Variants in FAAH2 observed in about 807,000 individuals in gnomAD.
FAAH2 encodes fatty acid amide hydrolase 2.
FAAH2 carries 60 observed loss-of-function variants against 36.9 expected under a neutral mutation model. The ratio of observed to expected loss-of-function variants is 1.63; its 90% CI spans 1.32 to 2.02. The LOEUF (loss-of-function observed/expected upper bound fraction) is 2.02, where lower values mean the gene tolerates loss of function less well. Among genes scored for constraint, FAAH2 ranks in the 30% most tolerant of loss-of-function variants. The pLI, the probability that FAAH2 is intolerant of heterozygous loss-of-function variation, is 0.00. For synonymous variants in FAAH2, 214 were observed against 143.8 expected (o/e 1.49, Z -3.49); for missense variants, 689 against 397.5 (o/e 1.73, Z -6.23).
the FAAH2 span, among the ~76,000 whole-genome samples, chrX:57,252,793 C>A: frequency 6.2e-5 from 7 of 112,188 alleles, no homozygotes; most frequent in African/African-American, 2.3e-4. Context: ...TAGATAAAAC[C>A]ACGAAGATGG....
In FAAH2 at chrX:57,333,392, A is replaced by T. The variant is rs769011579; in HGVS notation, c.622+1585A>T. On this transcript the variant is annotated intron_variant, in intron 4 of 10. Transcript: ENST00000374900. ...AAACAATTATAAGGCATACTAAAAG[A>T]CAAAATCACAGTTTGAAAAGAGAAA... Among the ~76,000 whole-genome samples, 4 of 111,926 alleles carry T rather than the reference A, an allele frequency of 3.6e-5. No individual in the cohort carries two copies. In the East Asian group the frequency reaches 1.1e-3, roughly 31 times the overall value.
At chrX:57,178,890 C>G in the FAAH2 span, among the ~76,000 whole-genome samples, 1 of 111,687 alleles carries the variant, frequency 9.0e-6, no homozygotes, top group African/African-American at 3.3e-5. Context: ...AGACAGAAAC[C>G]ATAGATTTCA....
chrX:57,202,989 C>T, the FAAH2 span, among the ~76,000 whole-genome samples: 2 of 111,933 alleles, frequency 1.8e-5, no homozygotes, highest in Non-Finnish European at 3.8e-5. Context: ...GCTCTTTAGT[C>T]AGCTTGTGCT....
chrX:57,395,406 C>T (rs1159694787), intron 7 of FAAH2: 5 of 707,862 alleles, frequency 7.1e-6, no homozygotes, highest in Non-Finnish European at 1.1e-5. Context: ...TCTGCTGGTG[C>T]CATGGCCTTT....
chrX:57,468,775 C>T (rs1333820342), intron 10 of FAAH2, among the ~76,000 whole-genome samples: 1 of 111,252 alleles, frequency 9.0e-6, no homozygotes, highest in Admixed American at 9.6e-5. Flanking sequence ...TCGAGATGAG[C>T]AACTCCAAGA....
At chrX:57,412,981 C>T (rs138845875) in intron 7 of FAAH2, among the ~76,000 whole-genome samples, 2 of 112,112 alleles carry the variant, frequency 1.8e-5, no homozygotes, top group African/African-American at 6.5e-5. Context: ...CCAGTAATGA[C>T]GAGCTTTTTA....
chrX:57,252,609 T>A, the FAAH2 span, among the ~76,000 whole-genome samples: 1 of 111,895 alleles, frequency 8.9e-6, no homozygotes, highest in Admixed American at 9.4e-5. Flanking sequence ...CCTCTGCTGG[T>A]GATACCCAGG....
chrX:57,243,835 C>G, the FAAH2 span, among the ~76,000 whole-genome samples: 1 of 110,576 alleles, frequency 9.0e-6, no homozygotes, highest in Non-Finnish European at 1.9e-5. Context: ...TAGAAGGCCT[C>G]TTCTCCTCCA....
intron 10 of FAAH2, among the ~76,000 whole-genome samples, chrX:57,458,241 C>T (rs1178421361): frequency 5.4e-5 from 6 of 111,807 alleles, no homozygotes; most frequent in South Asian, 7.5e-4. Flanking sequence ...GTTTGCCTGC[C>T]GTATGCAGAA....
the FAAH2 span, among the ~76,000 whole-genome samples, chrX:57,204,032 G>C: frequency 9.0e-6 from 1 of 110,747 alleles, no homozygotes; most frequent in Non-Finnish European, 1.9e-5. Context: ...GTTTTGTTTA[G>C]ACCACCTGAA....
At chrX:57,409,884 CT>C (rs1459149192) in intron 7 of FAAH2, among the ~76,000 whole-genome samples, 1 of 109,702 alleles carries the variant, frequency 9.1e-6, no homozygotes, top group Non-Finnish European at 1.9e-5. Flanking sequence ...ATTATTTCTA[CT>C]CTGATATTTA....
At chrX:57,461,150 A>AC (rs1472102189) in intron 10 of FAAH2, among the ~76,000 whole-genome samples, 1 of 108,597 alleles carries the variant, frequency 9.2e-6, no homozygotes, top group Admixed American at 9.9e-5. Flanking sequence ...ATTAATAAAA[A>AC]AAAAAAAGTT....
At chrX:57,175,193 G>A in the FAAH2 span, among the ~76,000 whole-genome samples, 1 of 111,535 alleles carries the variant, frequency 9.0e-6, no homozygotes, top group Non-Finnish European at 1.9e-5. Context: ...CATTACTACT[G>A]CGTCACTGTC....
intron 7 of FAAH2, among the ~76,000 whole-genome samples, chrX:57,429,891 A>G (rs910707407): frequency 4.5e-5 from 5 of 111,328 alleles, no homozygotes; most frequent in African/African-American, 9.8e-5. Context: ...AGCAACATCA[A>G]TGGAACTGGA....
chrX:57,446,188 A>C, intron 8 of FAAH2, among the ~76,000 whole-genome samples: 1 of 112,442 alleles, frequency 8.9e-6, no homozygotes, highest in Middle Eastern at 4.6e-3. Flanking sequence ...GCTGATGGAC[A>C]ATGAGGGAGG....
intron 7 of FAAH2, among the ~76,000 whole-genome samples, chrX:57,398,982 A>G (rs960974603): frequency 2.7e-5 from 3 of 111,363 alleles, no homozygotes; most frequent in African/African-American, 9.8e-5. Flanking sequence ...AGTAGGCATC[A>G]TGCCATTGAG....
In FAAH2 at chrX:57,488,828, G is replaced by A. The variant is rs2057520586; in HGVS notation, c.1495G>A (p.Gly499Ser). 1 of 1,211,409 alleles carries A rather than the reference G, an allele frequency of 8.3e-7. No individual in the cohort carries two copies. The highest frequency in any genetic ancestry group is 1.8e-5 in the South Asian group (1 of 56,961). The change falls in exon 11 of 11, where the codon GGC (glycine) becomes AGC (serine). Residue 499 changes from glycine to serine, a missense_variant. Gly to Ser is a moderately conservative substitution (Grantham distance 56, BLOSUM62 0). Transcript: ENST00000374900. Reference sequence around the variant, plus strand: ...ACTGAATGCCAAAGGACTCCCTTTAGGCATCCAGGTTGTGGCTGGACCCTT... The same window carrying A: ...ACTGAATGCCAAAGGACTCCCTTTAAGCATCCAGGTTGTGGCTGGACCCTT... Reference protein sequence around the residue: ...LGLNAKGLPLGIQVVAGPFND... With the variant: ...LGLNAKGLPLSIQVVAGPFND...
rs189363637 is a variant in FAAH2, at chrX:57,370,922, C to T, written c.743-7729C>T. 4.6e-4 allele frequency among the ~76,000 whole-genome samples: 51 copies of T among 111,131 alleles called. 1 individual carries two copies. The East Asian group carries it at 0.012, about 26-fold the overall frequency. The stretch of plus-strand genomic sequence containing the variant: ...TCTCCCATGAAACCACTTCCTGGTG[C>T]CAAAAAGTTTGGGGATCACTGCTCT... On this transcript the variant is annotated intron_variant, in intron 5 of 10. Coordinates refer to ENST00000374900, the MANE Select transcript of FAAH2 (RefSeq NM_174912.4).
chrX:57,429,295 C>T (rs376704202), intron 7 of FAAH2, among the ~76,000 whole-genome samples: 1 of 104,075 alleles, frequency 9.6e-6, no homozygotes. Context: ...GCCCAGATGA[C>T]GCCACTACAC....
Sources: gnomAD v4.1 joint callset for allele counts (sites outside exome capture counted in the v4.1 genomes callset) on GRCh38, gnomAD v4.1.1 for gene constraint, MANE v1.5 for transcripts, NCBI Gene and HGNC (gene_info 2026-07-23, HGNC 2026-07-21) for gene names.